NOL10: variants seen among roughly 807,000 people sequenced by gnomAD.
NOL10 encodes H_NH0074G24.1.
Under a neutral mutation model 103.5 loss-of-function variants are expected in NOL10, and 58 were observed. The observed-to-expected ratio is 0.56, with a 90% CI of 0.45 to 0.70. The LOEUF (loss-of-function observed/expected upper bound fraction) is 0.70, where lower values mean the gene tolerates loss of function less well. Among genes scored for constraint, NOL10 ranks in the 30% least tolerant of loss-of-function variants. NOL10 has a pLI of 0.00. For synonymous variants in NOL10, 287 were observed against 282.5 expected (o/e 1.02, Z -0.16); for missense variants, 763 against 807.3 (o/e 0.95, Z 0.67).
chr2:10,627,310 C>CA, intron 13 of NOL10, among the ~76,000 whole-genome samples: 1 of 152,136 alleles, frequency 6.6e-6, no homozygotes, highest in Non-Finnish European at 1.5e-5. Flanking sequence ...TTCTTATAGG[C>CA]TTGGCTTTAT....
intron 13 of NOL10, among the ~76,000 whole-genome samples, chr2:10,635,696 G>A (rs1678165399): frequency 6.6e-6 from 1 of 152,132 alleles, no homozygotes; most frequent in Non-Finnish European, 1.5e-5. Context: ...TCACAAGGGC[G>A]GTGAGTGTAC....
At chr2:10,587,595 G>A (rs1675182431) in intron 19 of NOL10, among the ~76,000 whole-genome samples, 3 of 151,694 alleles carry the variant, frequency 2.0e-5, no homozygotes, top group Non-Finnish European at 4.4e-5. Context: ...TTACTTTGCA[G>A]GGGGTTGGCA....
intron 11 of NOL10, among the ~76,000 whole-genome samples, chr2:10,657,010 A>AGATCCTTCTTAAGCT (rs547405239): frequency 6.2e-4 from 95 of 152,306 alleles, no homozygotes; most frequent in African/African-American, 2.2e-3. Flanking sequence ...GGACCATCAA[A>AGATCCTTCTTAAGCT]ATATTCTTAA....
intron 13 of NOL10, among the ~76,000 whole-genome samples, chr2:10,638,070 C>T (rs1458838828): frequency 6.6e-6 from 1 of 152,062 alleles, no homozygotes; most frequent in Non-Finnish European, 1.5e-5. Context: ...TCGCTTGAGG[C>T]CAGGAGTTTG....
At chr2:10,654,375 G>A in intron 12 of NOL10, 106 bp downstream of exon 12, 1 of 787,356 alleles carries the variant, frequency 1.3e-6, no homozygotes, top group Non-Finnish European at 2.0e-6. Flanking sequence ...AATAAAATGG[G>A]TTTAAAACCT....
intron 13 of NOL10, among the ~76,000 whole-genome samples, chr2:10,623,798 C>T (rs1333048683): frequency 6.6e-6 from 1 of 152,044 alleles, no homozygotes; most frequent in Non-Finnish European, 1.5e-5. Context: ...CATGACTGAC[C>T]AACATAAATA....
intron 13 of NOL10, among the ~76,000 whole-genome samples, chr2:10,627,138 G>C (rs1041100412): frequency 2.0e-5 from 3 of 152,162 alleles, no homozygotes. Flanking sequence ...CAACTTGTTT[G>C]TCTTACAAAA....
chr2:10,667,117 TATC>T, intron 8 of NOL10, 98 bp downstream of exon 8: 1 of 806,542 alleles, frequency 1.2e-6, no homozygotes, highest in Non-Finnish European at 2.1e-6. Flanking sequence ...ATCACCTCAT[TATC>T]ATCCTGCTCT....
At chr2:10,670,952 C>T (rs1271955781) in intron 6 of NOL10, among the ~76,000 whole-genome samples, 2 of 152,130 alleles carry the variant, frequency 1.3e-5, no homozygotes, top group Admixed American at 1.3e-4. Context: ...TGTAGGACAT[C>T]AACTACATAA....
chr2:10,640,999 T>TA (rs1314776917), intron 13 of NOL10, among the ~76,000 whole-genome samples: 4 of 150,110 alleles, frequency 2.7e-5, no homozygotes, highest in South Asian at 4.2e-4. Flanking sequence ...GTCTGGCCAA[T>TA]ATGGTGAAAC....
At chr2:10,684,537 G>A (rs778409900) in intron 2 of NOL10, 30 bp downstream of exon 2, 51 of 1,538,152 alleles carry the variant, frequency 3.3e-5, no homozygotes, top group Admixed American at 2.0e-4. Context: ...GATCACTAAC[G>A]CAGCTGAAGT....
At position 10,589,679 on chromosome 2, in the gene NOL10, C is replaced by G. The variant is rs900322620; in HGVS notation, c.1495G>C (p.Glu499Gln). Residue 499 changes from glutamate (E) to glutamine (Q), a missense_variant, in exon 18 of 21, where the codon GAG becomes CAG. By Grantham distance (29) the Glu-to-Gln change is conservative. Coordinates refer to ENST00000381685, the MANE Select transcript of NOL10 (RefSeq NM_024894.4). Reference protein sequence around the residue: ...FENPDFQVDEESEEFRLLNPL... With the variant: ...FENPDFQVDEQSEEFRLLNPL... ...TTCAGAAGCCTAAATTCTTCACTCT[C>G]TTCATCTACTTGGAAGTCAGGGTTC... is the stretch of plus-strand genomic sequence containing the variant. 3 of 1,587,434 alleles carry G rather than the reference C, an allele frequency of 1.9e-6. No homozygotes were observed. The highest frequency in any genetic ancestry group is 2.6e-6 in the Non-Finnish European group (3 of 1,168,180).
At chr2:10,641,358 TAA>T (rs57839701) in intron 13 of NOL10, among the ~76,000 whole-genome samples, 21 of 147,830 alleles carry the variant, frequency 1.4e-4, no homozygotes, top group African/African-American at 2.0e-4. Context: ...CATTAAAGCT[TAA>T]AAAAAAAAAA....
chr2:10,645,532 C>CT (rs33945473), intron 12 of NOL10, among the ~76,000 whole-genome samples: 1,833 of 131,712 alleles, frequency 0.014, 20 homozygotes, highest in African/African-American at 0.029. Context: ...TCAATACTAT[C>CT]TTTTTTTTTT....
At chr2:10,662,600 T>G (rs1344666461) in intron 9 of NOL10, among the ~76,000 whole-genome samples, 1 of 152,030 alleles carries the variant, frequency 6.6e-6, no homozygotes, top group African/African-American at 2.4e-5. Flanking sequence ...AAGAAAATAT[T>G]AAAAAAACAC....
At chr2:10,604,187 C>G (rs568033294) in intron 14 of NOL10, among the ~76,000 whole-genome samples, 1 of 152,168 alleles carries the variant, frequency 6.6e-6, no homozygotes, top group East Asian at 1.9e-4. Context: ...CCACTCGCCT[C>G]CTGCTGTGTG....
In NOL10 at chr2:10,589,078, G is replaced by A. The variant is rs1675265009; in HGVS notation, c.1809C>T (p.Ser603=). Residue 603 remains serine, a synonymous_variant, in exon 19 of 21, where the codon AGC becomes AGT. Coordinates refer to ENST00000381685, the MANE Select transcript of NOL10 (RefSeq NM_024894.4). ...TCTGCTTTGTGGCAGAATCTTTGAAGCTTCTAAATTCTTCTCCTGCTTTGA... is the reference window on the plus strand; with the variant it reads ...TCTGCTTTGTGGCAGAATCTTTGAAACTTCTAAATTCTTCTCCTGCTTTGA... ...YEIKAGEEFR[S]FKDSATKQKL... 1 of 1,613,892 alleles carries A rather than the reference G, an allele frequency of 6.2e-7. No individual in the cohort carries two copies. The highest frequency in any genetic ancestry group is 1.3e-5 in the African/African-American group (1 of 74,930).
At position 10,639,637 on chromosome 2, in the gene NOL10, T is replaced by C. The variant is rs534005540; in HGVS notation, c.1026+4683A>G. Among the ~76,000 whole-genome samples the C allele has an allele frequency of 7.9e-5, 12 of 152,204 alleles. No homozygotes were observed. In the South Asian group the frequency reaches 1.7e-3, roughly 21 times the overall value. On this transcript the variant is annotated intron_variant, in intron 13 of 20. Coordinates refer to ENST00000381685, the MANE Select transcript of NOL10 (RefSeq NM_024894.4). ...CAGAAAGGTTTTGGGTTGGGTGCCA[T>C]AGGGGACTTGGATTCCCTCTGAAGT... is the stretch of plus-strand genomic sequence containing the variant.
intron 4 of NOL10, among the ~76,000 whole-genome samples, chr2:10,674,123 T>C (rs929975608): frequency 1.3e-5 from 2 of 150,202 alleles, no homozygotes; most frequent in African/African-American, 4.9e-5. Flanking sequence ...GAGGCGGAGG[T>C]AGGAGGATCT....
Sources: gnomAD v4.1 joint callset for allele counts (sites outside exome capture counted in the v4.1 genomes callset) on GRCh38, gnomAD v4.1.1 for gene constraint, MANE v1.5 for transcripts, NCBI Gene and HGNC (gene_info 2026-07-23, HGNC 2026-07-21) for gene names.